ADGRL2: variants seen among roughly 807,000 people sequenced by gnomAD.
ADGRL2 encodes the protein adhesion G protein-coupled receptor L2, also known as calcium-independent alpha-latrotoxin receptor 2.
ADGRL2 carries 44 observed loss-of-function variants against 157.4 expected under a neutral mutation model. The observed-to-expected ratio is 0.28, with a 90% CI of 0.22 to 0.36. ADGRL2 has a LOEUF of 0.36. Among genes scored for constraint, ADGRL2 ranks in the 10% least tolerant of loss-of-function variants. The pLI is 1.00. For missense variants in ADGRL2, 1,510 were observed against 1,768.9 expected (o/e 0.85, Z 2.63); for synonymous variants, 585 against 624.7 (o/e 0.94, Z 0.95).
chr1:81,474,673 C>T (rs2078237060), intron 2 of ADGRL2, among the ~76,000 whole-genome samples: 1 of 152,152 alleles, frequency 6.6e-6, no homozygotes, highest in South Asian at 2.1e-4. Flanking sequence ...ATCAAGAACT[C>T]TTTTACATTT....
intron 2 of ADGRL2, among the ~76,000 whole-genome samples, chr1:81,536,054 G>A (rs1296716206): frequency 3.9e-5 from 6 of 152,142 alleles, no homozygotes. Context: ...ATTTAAAAGT[G>A]ATACATTGAG....
At chr1:81,918,271 C>T (rs1273679597) in intron 3 of ADGRL2, among the ~76,000 whole-genome samples, 1 of 152,092 alleles carries the variant, frequency 6.6e-6, no homozygotes, top group Non-Finnish European at 1.5e-5. Flanking sequence ...AGCCAGATGT[C>T]ATATTGCAAT....
chr1:81,866,519 C>G lies in ADGRL2; in HGVS notation c.73+29462C>G, dbSNP rs113858995. Among the ~76,000 whole-genome samples the G allele has an allele frequency of 7.2e-5, 11 of 151,984 alleles. 1 individual carries two copies. The highest frequency in any genetic ancestry group is 3.4e-3 in the Middle Eastern group (1 of 294). The stretch of plus-strand genomic sequence containing the variant: ...TACAACTTTTTATATATTCTGGCAT[C>G]CTTTTAAGTAATAGAGACAAGTACT... On this transcript the variant is annotated intron_variant, in intron 2 of 23. Coordinates refer to ENST00000686636, the MANE Select transcript of ADGRL2 (RefSeq NM_001366006.2).
chr1:81,966,021 T>C (rs1029823956), intron 11 of ADGRL2, 37 bp from the exon 12 acceptor site: 2 of 1,601,486 alleles, frequency 1.2e-6, no homozygotes, highest in Non-Finnish European at 1.7e-6. Flanking sequence ...TAAAGAATCC[T>C]TTTTTCCCCA....
rs758769393 is a variant in ADGRL2 at position 81,968,133 on chromosome 1, T to A, written c.2457T>A (p.Thr819=). 1.2e-6 allele frequency: 2 copies of A among 1,612,578 alleles called. No individual in the cohort carries two copies. Among genetic ancestry groups the A allele is most frequent in the Non-Finnish European group, 8.5e-7 (1 of 1,179,634 alleles). The part of the protein sequence containing the change: ...QGCKLVDTNK[T]RTTCACSHLT... Reference sequence around the variant, plus strand: ...GCAAGCTGGTTGACACTAATAAAACTCGAACAACGTGTGCATGCAGCCACC... The same window carrying A: ...GCAAGCTGGTTGACACTAATAAAACACGAACAACGTGTGCATGCAGCCACC... The change falls in exon 14 of 24, where the codon ACT becomes ACA. Residue 819 remains threonine, a synonymous_variant. Transcript: ENST00000686636.
At chr1:81,834,023 G>A (rs2092125763) in intron 1 of ADGRL2, among the ~76,000 whole-genome samples, 1 of 152,180 alleles carries the variant, frequency 6.6e-6, no homozygotes, top group Non-Finnish European at 1.5e-5. Context: ...AGAGGTGGGA[G>A]TAGGTTGTAC....
At chr1:81,459,752 A>T (rs2077883498) in intron 2 of ADGRL2, among the ~76,000 whole-genome samples, 1 of 150,976 alleles carries the variant, frequency 6.6e-6, no homozygotes, top group Non-Finnish European at 1.5e-5. Flanking sequence ...ATACACACAC[A>T]TATATATATC....
intron 2 of ADGRL2, among the ~76,000 whole-genome samples, chr1:81,512,101 G>A (rs971555308): frequency 6.6e-6 from 1 of 152,142 alleles, no homozygotes; most frequent in Non-Finnish European, 1.5e-5. Flanking sequence ...TAATATGTGA[G>A]CCTGTAGGCT....
intron 2 of ADGRL2, among the ~76,000 whole-genome samples, chr1:81,844,444 T>G (rs553140544): frequency 6.6e-6 from 1 of 152,322 alleles, no homozygotes; most frequent in African/African-American, 2.4e-5. Flanking sequence ...GATAAGTGAT[T>G]GAACACATCT....
chr1:81,745,948 A>G (rs776481983), intron 1 of ADGRL2, among the ~76,000 whole-genome samples: 1 of 152,154 alleles, frequency 6.6e-6, no homozygotes, highest in Non-Finnish European at 1.5e-5. Context: ...TGTCAATTCA[A>G]AGAGGGCTTT....
At chr1:81,980,107 C>G (rs1184931011) in intron 18 of ADGRL2, 147 bp downstream of exon 18, 3 of 568,902 alleles carry the variant, frequency 5.3e-6, no homozygotes, top group Admixed American at 3.0e-5. Flanking sequence ...CTCAGTGTTA[C>G]TATATCACTG....
rs537682839 is a variant in ADGRL2, at chr1:81,772,119, G to A, written c.-101+10267G>A. Among the ~76,000 whole-genome samples, 89 of 151,622 alleles carry A rather than the reference G, an allele frequency of 5.9e-4. 1 individual carries two copies. Among genetic ancestry groups the A allele is most frequent in the African/African-American group, 2.1e-3 (87 of 41,328 alleles). On this transcript the variant is annotated intron_variant, in intron 2 of 20. Coordinates refer to the ADGRL2 transcript ENST00000359929. Reference sequence around the variant, plus strand: ...ACAAACATTAGCTGGGCATAGTGGCGGGCACCTGTAATCCCAGCTACTTGA... The same window carrying A: ...ACAAACATTAGCTGGGCATAGTGGCAGGCACCTGTAATCCCAGCTACTTGA...
At chr1:81,373,303 C>T (rs2076191943) in intron 1 of ADGRL2, among the ~76,000 whole-genome samples, 4 of 152,150 alleles carry the variant, frequency 2.6e-5, no homozygotes, top group Admixed American at 2.6e-4. Flanking sequence ...ATGAAAAACC[C>T]TAAGCAGGAT....
intron 18 of ADGRL2, 84 bp downstream of exon 18, chr1:81,980,044 C>G (rs1661229151): frequency 1.6e-5 from 12 of 741,100 alleles, no homozygotes; most frequent in Non-Finnish European, 2.5e-5. Context: ...TTTCTACCTT[C>G]TATCAACTGT....
At chr1:81,805,730 T>TTAA (rs751581345) in intron 1 of ADGRL2, among the ~76,000 whole-genome samples, 1 of 137,544 alleles carries the variant, frequency 7.3e-6, no homozygotes. Flanking sequence ...CTTTAGTGGT[T>TTAA]AAAAAAAAAA....
intron 2 of ADGRL2, among the ~76,000 whole-genome samples, chr1:81,779,023 A>G (rs752774058): frequency 3.0e-4 from 45 of 152,164 alleles, no homozygotes; most frequent in Admixed American, 4.6e-4. Flanking sequence ...AATGCTATCT[A>G]CATTATAATC....
intron 3 of ADGRL2, among the ~76,000 whole-genome samples, chr1:81,669,836 A>G (rs552756846): frequency 9.9e-5 from 15 of 151,114 alleles, no homozygotes; most frequent in East Asian, 6.0e-4. Context: ...CCAGCTACTC[A>G]GGAGGCTGAG....
At position 81,961,032 on chromosome 1, in the gene ADGRL2, C is replaced by T. The variant is rs182919600; in HGVS notation, c.2017+4972C>T. On this transcript the variant is annotated intron_variant, in intron 11 of 23. Transcript: ENST00000686636. Reference sequence around the variant, plus strand: ...AAGGTGCAAGTCTCCTGGCAGAGGTCATAGTTCTTCCTCTTTCCTCTCATT... The same window carrying T: ...AAGGTGCAAGTCTCCTGGCAGAGGTTATAGTTCTTCCTCTTTCCTCTCATT... 4.6e-5 allele frequency among the ~76,000 whole-genome samples: 7 copies of T among 152,286 alleles called. No individual in the cohort carries two copies. The East Asian group carries it at 1.4e-3, about 29-fold the overall frequency.
chr1:81,468,043 G>A (rs1470404879), intron 2 of ADGRL2, among the ~76,000 whole-genome samples: 2 of 152,042 alleles, frequency 1.3e-5, no homozygotes, highest in Admixed American at 6.6e-5. Flanking sequence ...TAAAATTTTA[G>A]GGAAATTCTC....
Sources: gnomAD v4.1 joint callset for allele counts (sites outside exome capture counted in the v4.1 genomes callset) on GRCh38, gnomAD v4.1.1 for gene constraint, MANE v1.5 for transcripts, NCBI Gene and HGNC (gene_info 2026-07-23, HGNC 2026-07-21) for gene names.